The following RPTOR variants were observed in gnomAD, a reference collection of about 807,000 sequenced individuals.
RPTOR encodes regulatory-associated protein of mTOR.
In RPTOR, 21 loss-of-function variants were observed where a neutral mutation model predicts 169.9. The ratio of observed to expected loss-of-function variants is 0.12; its 90% CI spans 0.09 to 0.18. The LOEUF is 0.18. RPTOR is among the 10% of genes least tolerant of loss of function. The pLI, the probability that RPTOR is intolerant of heterozygous loss-of-function variation, is 1.00. For missense variants in RPTOR, 1,133 were observed against 1,855.9 expected, an observed-to-expected ratio of 0.61 and a Z score of 7.16; for synonymous variants, 732 against 753.2, an observed-to-expected ratio of 0.97 and a Z score of 0.46.
At chr17:80,788,587 A>G (rs2067016859) in intron 6 of RPTOR, among the ~76,000 whole-genome samples, 1 of 152,040 alleles carries the variant, frequency 6.6e-6, no homozygotes, top group Non-Finnish European at 1.5e-5. Flanking sequence ...GTTTCTTTGA[A>G]TGTGATCTAC....
chr17:80,735,814 T>C (rs1248715369), intron 5 of RPTOR, among the ~76,000 whole-genome samples: 1 of 152,150 alleles, frequency 6.6e-6, no homozygotes, highest in Non-Finnish European at 1.5e-5. Context: ...GTGGGAGCCA[T>C]GGAAATAGCC....
intron 1 of RPTOR, among the ~76,000 whole-genome samples, chr17:80,560,118 C>A (rs2084461369): frequency 6.6e-6 from 1 of 152,192 alleles, no homozygotes; most frequent in Non-Finnish European, 1.5e-5. Flanking sequence ...GTGAAAAGCA[C>A]AGTGCAGTCA....
rs553670403 is a variant in RPTOR at position 80,571,605 on chromosome 17, CGACCTCCTGGGCTCAATT to C, written c.162+25817_162+25834del. 3.3e-3 allele frequency among the ~76,000 whole-genome samples: 495 copies of C among 152,092 alleles called. 3 individuals carry two copies. Among genetic ancestry groups the C allele is most frequent in the African/African-American group, 0.011 (463 of 41,452 alleles). ...GTGTGATCATAGCTCACTGCAGCCT[CGACCTCCTGGGCTCAATT>C]GATCCTCTCACCTCAGCTTCCCGGG... is the stretch of plus-strand genomic sequence containing the variant. On this transcript the variant is annotated intron_variant, in intron 1 of 33. Transcript: ENST00000306801.
chr17:80,846,768 T>C (rs2067736051), intron 11 of RPTOR, among the ~76,000 whole-genome samples, 194 bp downstream of exon 11: 1 of 152,064 alleles, frequency 6.6e-6, no homozygotes, highest in African/African-American at 2.4e-5. Context: ...CAATCAGGAG[T>C]CACTGGGCTG....
At chr17:80,770,920 C>T (rs1405567703) in intron 6 of RPTOR, among the ~76,000 whole-genome samples, 1 of 152,236 alleles carries the variant, frequency 6.6e-6, no homozygotes, top group African/African-American at 2.4e-5. Context: ...GCTGCTGTCA[C>T]CACTCAGCTT....
intron 16 of RPTOR, 122 bp downstream of exon 16, chr17:80,884,094 T>C (rs889126471): frequency 2.1e-6 from 2 of 934,622 alleles, no homozygotes. Flanking sequence ...GGCTGCACGC[T>C]AATAAGAGTA....
chr17:80,817,205 G>A (rs1259205169), intron 7 of RPTOR, among the ~76,000 whole-genome samples: 2 of 152,296 alleles, frequency 1.3e-5, no homozygotes, highest in East Asian at 3.9e-4. Flanking sequence ...CTGAGAGGCT[G>A]GGCAGCTAGT....
At chr17:80,597,379 A>G (rs1195837928) in intron 1 of RPTOR, among the ~76,000 whole-genome samples, 1 of 152,162 alleles carries the variant, frequency 6.6e-6, no homozygotes, top group Non-Finnish European at 1.5e-5. Flanking sequence ...GGGATGACTA[A>G]CTTGACTCAA....
At chr17:80,944,255 A>G (rs949650540) in intron 25 of RPTOR, among the ~76,000 whole-genome samples, 1 of 152,192 alleles carries the variant, frequency 6.6e-6, no homozygotes, top group African/African-American at 2.4e-5. Context: ...TCTAGACTGA[A>G]AGACCCCCGG....
At chr17:80,709,827 C>A (rs533895216) in intron 4 of RPTOR, among the ~76,000 whole-genome samples, 170 of 152,310 alleles carry the variant, frequency 1.1e-3, no homozygotes, top group Non-Finnish European at 2.0e-3. Context: ...CTGCTATCCA[C>A]TTCTCTCTGC....
intron 1 of RPTOR, among the ~76,000 whole-genome samples, chr17:80,606,309 C>CT (rs56331722): frequency 0.28 from 34,776 of 123,718 alleles, 5,043 homozygotes; most frequent in Middle Eastern, 0.35. Context: ...GGTGCCTGGC[C>CT]TTTTTTTTTT....
chr17:80,942,831 A>G (rs983694134), intron 25 of RPTOR, among the ~76,000 whole-genome samples: 2 of 152,198 alleles, frequency 1.3e-5, no homozygotes, highest in Middle Eastern at 3.2e-3. Flanking sequence ...GCTGTCACGC[A>G]CTGATTTTCA....
Position 80,730,758 on chromosome 17 carries a change from T to TTTTTACGG in RPTOR, c.654+52_654+53insTTTTACGG. On this transcript the variant is annotated intron_variant, in intron 5 of 33. Coordinates refer to ENST00000306801, the MANE Select transcript of RPTOR (RefSeq NM_020761.3). The surrounding 1 kb of genome is among the most constrained non-coding windows in gnomAD (Gnocchi z 4.2). ...GTGCTGGGTTTGGTTTTGTTTTCCC[T>TTTTTACGG]GGGGGTGGGGTTTGGGTGGGGAGGT... 1 of 467,252 alleles carries TTTTTACGG rather than the reference T, an allele frequency of 2.1e-6. No individual in the cohort carries two copies. Among genetic ancestry groups the TTTTTACGG allele is most frequent in the African/African-American group, 2.5e-5 (1 of 39,296 alleles). The allele number at this position is 467,252 out of a possible 1,614,324, so 28.9% of individuals were successfully genotyped here.
Position 80,730,497 on chromosome 17 carries a change from A to G in RPTOR, c.508-63A>G. The G allele has an allele frequency of 6.3e-7, 1 of 1,577,678 alleles. No individual in the cohort carries two copies. The highest frequency in any genetic ancestry group is 1.1e-5 in the South Asian group (1 of 89,190). ...TGTGTGCCTTTTGTAACGGTGCAGTACTCACCAGCAGCCCATATTCCTGAG... is the reference window on the plus strand; with the variant it reads ...TGTGTGCCTTTTGTAACGGTGCAGTGCTCACCAGCAGCCCATATTCCTGAG... On this transcript the variant is annotated intron_variant, in intron 4 of 33. Transcript: ENST00000306801. The surrounding 1 kb of genome is among the most constrained non-coding windows in gnomAD (Gnocchi z 4.2).
intron 1 of RPTOR, among the ~76,000 whole-genome samples, chr17:80,595,486 C>A (rs567808978): frequency 1.3e-5 from 2 of 152,140 alleles, no homozygotes; most frequent in Admixed American, 1.3e-4. Flanking sequence ...GATGGGGTCT[C>A]GCTCATTCGC....
At chr17:80,852,198 T>C (rs2067800480) in intron 11 of RPTOR, among the ~76,000 whole-genome samples, 1 of 152,232 alleles carries the variant, frequency 6.6e-6, no homozygotes, top group Non-Finnish European at 1.5e-5. Flanking sequence ...CTCTGCCTCA[T>C]TGAACTTTGA....
At chr17:80,606,863 A>G (rs1347756011) in intron 1 of RPTOR, among the ~76,000 whole-genome samples, 1 of 152,078 alleles carries the variant, frequency 6.6e-6, no homozygotes, top group Non-Finnish European at 1.5e-5. Flanking sequence ...ATATCTACCT[A>G]CAAGTCATAC....
chr17:80,872,565 G>A (rs1377625697), intron 13 of RPTOR, among the ~76,000 whole-genome samples: 1 of 152,226 alleles, frequency 6.6e-6, no homozygotes, highest in East Asian at 1.9e-4. Flanking sequence ...AACTGGGTCT[G>A]TCGGTGCCCC....
At position 80,730,030 on chromosome 17, in the gene RPTOR, TG is replaced by T. The variant is rs1384592866; in HGVS notation, c.508-529del. 2.2e-4 allele frequency among the ~76,000 whole-genome samples: 34 copies of T among 152,302 alleles called. No individual in the cohort carries two copies. Among genetic ancestry groups the T allele is most frequent in the Non-Finnish European group, 4.4e-5 (3 of 68,024 alleles). On this transcript the variant is annotated intron_variant, in intron 4 of 33. Transcript: ENST00000306801. This position sits in a 1 kb window ranked among gnomAD's most constrained non-coding sequence, Gnocchi z 4.2. ...CTGCGGAGGAGCCTGGGGCTAGGGATGATGACTTTGGCAGCCACCTGGTGTG... is the reference window on the plus strand; with the variant it reads ...CTGCGGAGGAGCCTGGGGCTAGGGATATGACTTTGGCAGCCACCTGGTGTG...
Sources: gnomAD v4.1 joint callset for allele counts (sites outside exome capture counted in the v4.1 genomes callset) on GRCh38, gnomAD v4.1.1 for gene constraint, Gnocchi (gnomAD v3.1) non-coding constraint, MANE v1.5 for transcripts, NCBI Gene and HGNC (gene_info 2026-07-23, HGNC 2026-07-21) for gene names.